The following PHF21A variants were observed in gnomAD, a reference collection of about 807,000 sequenced individuals.
PHF21A encodes PHD finger protein 21A.
PHF21A carries 11 observed loss-of-function variants against 82.5 expected under a neutral mutation model. The ratio of observed to expected loss-of-function variants is 0.13; its 90% confidence interval spans 0.08 to 0.22. PHF21A has a LOEUF of 0.22. Among genes scored for constraint, PHF21A ranks in the 10% least tolerant of loss-of-function variants. PHF21A has a pLI of 1.00. For missense variants in PHF21A, 579 were observed against 837.8 expected (o/e 0.69, Z 3.81); for synonymous variants, 297 against 302.8 (o/e 0.98, Z 0.20).
intron 6 of PHF21A, among the ~76,000 whole-genome samples, chr11:46,062,030 T>G (rs986458058): frequency 6.6e-6 from 1 of 152,162 alleles, no homozygotes. Flanking sequence ...CTTTCTTTGT[T>G]GCTGCTGAGA....
chr11:45,934,191 C>A lies in PHF21A; in HGVS notation c.1823G>T (p.Arg608Leu), dbSNP rs375495711. 3 of 1,613,696 alleles carry A rather than the reference C, an allele frequency of 1.9e-6. No individual in the cohort carries two copies. Among genetic ancestry groups the A allele is most frequent in the Non-Finnish European group, 2.5e-6 (3 of 1,180,004 alleles). ...CAGGGAGCTGTGCATCTCCTTCTGC[C>A]GGGCCAGGATGGTGTTCTTCATTTC... ...CMEMKNTILA[R>L]QKEMHSSLEK... Residue 608 changes from arginine to leucine, a missense_variant, in exon 19 of 19, where the codon CGG becomes CTG. By Grantham distance (102) the Arg-to-Leu change is moderately radical. Coordinates refer to ENST00000676320, the MANE Select transcript of PHF21A (RefSeq NM_001352027.3).
intron 6 of PHF21A, among the ~76,000 whole-genome samples, chr11:46,024,253 C>A (rs938240344): frequency 2.6e-5 from 4 of 152,134 alleles, no homozygotes; most frequent in Admixed American, 2.6e-4. Context: ...TTTCCTATTT[C>A]TCCCACTTAC....
At chr11:46,105,870 A>G (rs1434010833) in intron 1 of PHF21A, among the ~76,000 whole-genome samples, 1 of 152,244 alleles carries the variant, frequency 6.6e-6, no homozygotes, top group Non-Finnish European at 1.5e-5. Context: ...GGTGTATTTA[A>G]AACAAAAAAC....
intron 6 of PHF21A, among the ~76,000 whole-genome samples, chr11:46,046,705 T>C (rs1261818875): frequency 2.6e-5 from 4 of 152,312 alleles, no homozygotes; most frequent in Middle Eastern, 3.4e-3. Flanking sequence ...GGTGAAGATC[T>C]AGGTGGTAAT....
At chr11:46,075,341 T>C (rs1436280238) in intron 6 of PHF21A, among the ~76,000 whole-genome samples, 5 of 152,166 alleles carry the variant, frequency 3.3e-5, no homozygotes, top group Admixed American at 2.6e-4. Flanking sequence ...CACTAATCAG[T>C]TCTCACCTTC....
At position 45,948,945 on chromosome 11, in the gene PHF21A, C is replaced by T. The variant is rs775314606; in HGVS notation, c.1229G>A (p.Arg410His). The T allele has an allele frequency of 3.1e-6, 5 of 1,613,538 alleles. No individual in the cohort carries two copies. Among genetic ancestry groups the T allele is most frequent in the South Asian group, 2.2e-5 (2 of 91,050 alleles). Residue 410 changes from arginine (R) to histidine (H), a missense_variant and splice_region_variant, in exon 14 of 19, where the codon CGT (arginine) becomes CAT (histidine). By Grantham distance (29) the Arg-to-His change is conservative. Coordinates refer to ENST00000676320, the MANE Select transcript of PHF21A (RefSeq NM_001352027.3). Reference sequence around the variant, plus strand: ...TAGGTATGTCACTGCACTCTTCTTACGCTTTGAGGGTTGAAGGAGGAAAGG... The same window carrying T: ...TAGGTATGTCACTGCACTCTTCTTATGCTTTGAGGGTTGAAGGAGGAAAGG... ...VYSGAVFEPE[R>H]KKSAVTYLNS...
At chr11:46,083,950 G>A (rs1455541392) in intron 4 of PHF21A, among the ~76,000 whole-genome samples, 1 of 152,070 alleles carries the variant, frequency 6.6e-6, no homozygotes, top group Non-Finnish European at 1.5e-5. Flanking sequence ...AATCTTTTCA[G>A]TTCTTTTCTC....
chr11:46,103,977 C>T (rs1022624428), intron 1 of PHF21A, among the ~76,000 whole-genome samples: 2 of 152,096 alleles, frequency 1.3e-5, no homozygotes, highest in Non-Finnish European at 2.9e-5. Flanking sequence ...GATCATTGTA[C>T]CTTTTCTCAT....
intron 15 of PHF21A, among the ~76,000 whole-genome samples, chr11:45,942,386 T>C (rs1590995107): frequency 6.6e-6 from 1 of 152,124 alleles, no homozygotes; most frequent in African/African-American, 2.4e-5. Context: ...CAAAATCAAC[T>C]GTCCCCTAGC....
chr11:46,091,719 A>T (rs954066683), intron 2 of PHF21A, among the ~76,000 whole-genome samples: 1 of 152,226 alleles, frequency 6.6e-6, no homozygotes, highest in Non-Finnish European at 1.5e-5. Context: ...TAGGAATCTT[A>T]ATCTTTTTTT....
chr11:46,063,259 T>C (rs965638365), intron 6 of PHF21A, among the ~76,000 whole-genome samples: 3 of 152,226 alleles, frequency 2.0e-5, no homozygotes, highest in East Asian at 1.9e-4. Context: ...TCAGTGTACA[T>C]ACAGTCTATA....
At chr11:46,101,613 G>A (rs997816555) in intron 1 of PHF21A, among the ~76,000 whole-genome samples, 18 of 152,020 alleles carry the variant, frequency 1.2e-4, no homozygotes, top group African/African-American at 4.1e-4. Context: ...GAAATGCCTG[G>A]TATAGATCTT....
intron 17 of PHF21A, 81 bp from the exon 18 acceptor site, chr11:45,935,820 C>A: frequency 1.4e-6 from 1 of 721,826 alleles, no homozygotes; most frequent in South Asian, 1.8e-5. Flanking sequence ...AGAATGCCTG[C>A]CAAAGAAGGT....
intron 6 of PHF21A, among the ~76,000 whole-genome samples, chr11:46,028,686 G>A (rs1240986590): frequency 6.7e-6 from 1 of 149,088 alleles, no homozygotes; most frequent in African/African-American, 2.5e-5. Context: ...TGATTCTCCT[G>A]CCTCAGCCTC....
chr11:46,094,729 T>C (rs2096970374), intron 1 of PHF21A, among the ~76,000 whole-genome samples: 1 of 151,940 alleles, frequency 6.6e-6, no homozygotes, highest in East Asian at 1.9e-4. Context: ...TAGAAGTCTC[T>C]ACTAAAAATA....
At chr11:45,987,952 C>T (rs1008370277) in intron 6 of PHF21A, among the ~76,000 whole-genome samples, 9 of 152,160 alleles carry the variant, frequency 5.9e-5, no homozygotes, top group African/African-American at 9.7e-5. Context: ...TGTGGTTTTC[C>T]TCACAAAAGA....
chr11:46,048,260 A>G (rs1008565013), intron 6 of PHF21A, among the ~76,000 whole-genome samples: 1 of 152,180 alleles, frequency 6.6e-6, no homozygotes, highest in Non-Finnish European at 1.5e-5. Context: ...ATACAGTATA[A>G]GGCCTTTTGT....
chr11:45,939,819 A>C lies in PHF21A; in HGVS notation c.1453-1507T>G, dbSNP rs1288333743. ...AAGAGCTATTAAAGAGGTCTTTTCC[A>C]GAGAGTCAATGCCTAGCTCATTCTC... is the stretch of plus-strand genomic sequence containing the variant. On this transcript the variant is annotated intron_variant, in intron 15 of 18. Transcript: ENST00000676320. Among the ~76,000 whole-genome samples, 3 of 150,870 alleles carry C rather than the reference A, an allele frequency of 2.0e-5. No homozygotes were observed. The East Asian group carries it at 5.9e-4, about 29-fold the overall frequency.
At chr11:46,079,011 T>A in intron 5 of PHF21A, 123 bp downstream of exon 5, 2 of 570,696 alleles carry the variant, frequency 3.5e-6, no homozygotes, top group Non-Finnish European at 6.1e-6. Flanking sequence ...TAAAAATAAT[T>A]GCTATTAGAA....
Sources: allele counts gnomAD v4.1 joint callset (sites outside exome capture counted in the v4.1 genomes callset), GRCh38; gene constraint gnomAD v4.1.1; transcripts MANE v1.5; gene names NCBI Gene and HGNC (gene_info 2026-07-23, HGNC 2026-07-21).